Variants in CUL4B observed in about 807,000 individuals in gnomAD.
CUL4B encodes the protein cullin-4B.
Under a neutral mutation model 69.2 loss-of-function variants are expected in CUL4B, and 1 was observed. The observed-to-expected ratio is 0.01, with a 90% CI of 0.01 to 0.07. The LOEUF is 0.07. Ranked by LOEUF, CUL4B falls within the 10% of genes least tolerant of loss-of-function variation. CUL4B has a pLI of 1.00. For missense variants in CUL4B, 328 were observed against 638.8 expected (o/e 0.51, Z 5.24); for synonymous variants, 237 against 223.2 (o/e 1.06, Z -0.55).
rs569743213 is a variant in CUL4B, at chrX:120,526,991, A to T, written c.2593-135T>A. 4.4e-5 allele frequency: 15 copies of T among 338,300 alleles called. No individual in the cohort carries two copies. The South Asian group carries it at 6.1e-4, about 14-fold the overall frequency. 27.9% of individuals were successfully genotyped at this position (338,300 alleles called of 1,213,427 possible). A position where few individuals can be genotyped will look rare whatever the true frequency, so the allele number is the denominator to read the frequency against. ...CTTTTTTAAAATTTTTATTTATTTA[A>T]ATCTCTTTTTTAGAGAAAAGTATCA... is the stretch of plus-strand genomic sequence containing the variant. On this transcript the variant is annotated intron_variant, in intron 19 of 19. Coordinates refer to ENST00000371322, the MANE Select transcript of CUL4B (RefSeq NM_001079872.2).
At chrX:120,538,816 A>G in intron 12 of CUL4B, 46 bp from the exon 13 acceptor site, 1 of 827,756 alleles carries the variant, frequency 1.2e-6, no homozygotes, top group Non-Finnish European at 1.8e-6. Context: ...AATAAAAAGT[A>G]CTGACAAAAC....
chrX:120,554,251 T>C (rs1924845578), intron 2 of CUL4B, among the ~76,000 whole-genome samples: 1 of 112,250 alleles, frequency 8.9e-6, no homozygotes, highest in African/African-American at 3.2e-5. Context: ...TAGCCGTTAG[T>C]CTCACCATCT....
At chrX:120,536,089 G>C (rs998599179) in intron 15 of CUL4B, 146 bp from the exon 16 acceptor site, 3 of 477,285 alleles carry the variant, frequency 6.3e-6, no homozygotes, top group South Asian at 3.0e-5. Flanking sequence ...GAAAAACAAT[G>C]ATCTCCCAAC....
chrX:120,532,710 G>T, intron 17 of CUL4B, 116 bp from the exon 18 acceptor site: 1 of 679,320 alleles, frequency 1.5e-6, no homozygotes, highest in Non-Finnish European at 2.3e-6. Flanking sequence ...TTTTCCCAAA[G>T]GTCACCAACA....
At chrX:120,561,415 A>T (rs758480204), upstream of CUL4B, 8 of 533,568 alleles carry the variant, frequency 1.5e-5, no homozygotes, top group African/African-American at 1.9e-4. Context: ...CCAGATCCCG[A>T]AGCCCCCAGG....
Position 120,560,498 on chromosome X carries a change from G to A in CUL4B, c.141C>T (p.Ser47=), listed in dbSNP as rs2147350268. 1 of 1,210,649 alleles carries A rather than the reference G, an allele frequency of 8.3e-7. No homozygotes were observed. Among genetic ancestry groups the A allele is most frequent in the Non-Finnish European group, 1.1e-6 (1 of 894,792 alleles). The change falls in exon 1 of 20, where the codon AGC becomes AGT. Residue 47 remains serine (S), a synonymous_variant. Coordinates refer to ENST00000371322, the MANE Select transcript of CUL4B (RefSeq NM_001079872.2). ...CTCTCTCGTTACTACTGTTACTGCT[G>A]CTACTGCTGCTGCTGTTTAACTTTC... is the stretch of plus-strand genomic sequence containing the variant. The part of the protein sequence containing the change: ...KKRKLNSSSS[S]SSNSSNERED...
chrX:120,556,737 C>T (rs1924989507), intron 2 of CUL4B, among the ~76,000 whole-genome samples: 1 of 109,799 alleles, frequency 9.1e-6, no homozygotes, highest in African/African-American at 3.3e-5. Flanking sequence ...ATGAGGGTAA[C>T]AGCAGTCAAA....
upstream of CUL4B, among the ~76,000 whole-genome samples, chrX:120,562,325 T>C (rs1925359342): frequency 8.9e-6 from 1 of 112,500 alleles, no homozygotes; most frequent in Non-Finnish European, 1.9e-5. Context: ...TTGGTTAAAT[T>C]AGCAACAATA....
At chrX:120,573,564 C>G (rs186854136) in intron 2 of CUL4B, among the ~76,000 whole-genome samples, 2 of 111,975 alleles carry the variant, frequency 1.8e-5, no homozygotes, top group East Asian at 5.6e-4. Context: ...AACATATGAT[C>G]CCCACCTTCT....
chrX:120,551,108 C>G (rs1924658526), intron 2 of CUL4B, among the ~76,000 whole-genome samples: 1 of 111,789 alleles, frequency 8.9e-6, no homozygotes, highest in Non-Finnish European at 1.9e-5. Context: ...TACTTGCCTT[C>G]CCCAATAAAA....
rs752944156 is a variant in CUL4B at position 120,555,941 on chromosome X, C to CAA, written c.672+1981_672+1982dup. Among the ~76,000 whole-genome samples, 248 of 41,931 alleles carry CAA rather than the reference C, an allele frequency of 5.9e-3. 2 individuals carry two copies. The highest frequency in any genetic ancestry group is 0.017 in the African/African-American group (217 of 12,473). The allele number at this position is 41,931 out of a possible 115,157, so 36.4% of individuals were successfully genotyped here. A position where few individuals can be genotyped will look rare whatever the true frequency, so the allele number is the denominator to read the frequency against. ...TGAGTGACATAGCAAGACTCCATCT[C>CAA]AAAAAAAAAAAAAAAAAAAAGTGGG... is the stretch of plus-strand genomic sequence containing the variant. On this transcript the variant is annotated intron_variant, in intron 2 of 19. Coordinates refer to ENST00000371322, the MANE Select transcript of CUL4B (RefSeq NM_001079872.2).
In CUL4B at chrX:120,524,348, T is replaced by A. The variant is rs1922856449; in HGVS notation, c.*2413A>T. On this transcript the variant is annotated 3_prime_UTR_variant, in exon 20 of 20. Transcript: ENST00000371322. ...AACAATTTGACACTGAGGATTTGAA[T>A]GAAGCAATGTTTATACTTGTATCCG... 8.9e-6 allele frequency among the ~76,000 whole-genome samples: 1 copy of A among 112,055 alleles called. No individual in the cohort carries two copies. Among genetic ancestry groups the A allele is most frequent in the East Asian group, 2.8e-4 (1 of 3,607 alleles).
intron 18 of CUL4B, among the ~76,000 whole-genome samples, chrX:120,531,383 T>C (rs977342246): frequency 9.1e-6 from 1 of 109,410 alleles, no homozygotes; most frequent in Non-Finnish European, 1.9e-5. Context: ...AAACCATCAG[T>C]TTCAGGATGC....
chrX:120,543,158 T>C (rs1260913025), intron 8 of CUL4B, 125 bp from the exon 9 acceptor site: 3 of 466,051 alleles, frequency 6.4e-6, no homozygotes, highest in Non-Finnish European at 1.1e-5. Context: ...TCCTATCCTA[T>C]GTATAAATTT....
intron 9 of CUL4B, 69 bp from the exon 10 acceptor site, chrX:120,541,789 T>G (rs962633063): frequency 2.3e-5 from 16 of 686,134 alleles, no homozygotes; most frequent in Non-Finnish European, 2.4e-5. Context: ...TCAGACATTT[T>G]AATAAAATTT....
chrX:120,531,194 C>T (rs1457182203), intron 18 of CUL4B, among the ~76,000 whole-genome samples: 4 of 109,223 alleles, frequency 3.7e-5, no homozygotes, highest in African/African-American at 6.7e-5. Context: ...TGGTCGCTCA[C>T]GCATGTAGTC....
chrX:120,541,847 T>C, intron 9 of CUL4B, 127 bp from the exon 10 acceptor site: 2 of 504,679 alleles, frequency 4.0e-6, no homozygotes, highest in African/African-American at 2.3e-5. Context: ...GACTAGTCTG[T>C]ATGTGAGTTG....
At chrX:120,530,031 T>C (rs1382719922) in intron 19 of CUL4B, 71 bp downstream of exon 19, 2 of 1,071,509 alleles carry the variant, frequency 1.9e-6, no homozygotes, top group East Asian at 3.0e-5. Context: ...TTTGCAAGAT[T>C]TGTGTCTGAA....
At position 120,545,476 on chromosome X, in the gene CUL4B, G is replaced by A. The variant is rs1463089138; in HGVS notation, c.888C>T (p.Tyr296=). 1.2e-5 allele frequency: 14 copies of A among 1,177,865 alleles called. No homozygotes were observed. The highest frequency in any genetic ancestry group is 5.3e-5 in the African/African-American group (3 of 56,301). Residue 296 remains tyrosine, a synonymous_variant, in exon 5 of 20, where the codon TAC becomes TAT. Transcript: ENST00000371322. ...AGGGTAGCATTGAATTCTGAAGAAC[G>A]TAAGTTCTATCCAGAAACAAAAAAA... The part of the protein sequence containing the change: ...RSIFLFLDRT[Y]VLQNSMLPSI...
Sources: allele counts gnomAD v4.1 joint callset (sites outside exome capture counted in the v4.1 genomes callset), GRCh38; gene constraint gnomAD v4.1.1; transcripts MANE v1.5; gene names NCBI Gene and HGNC (gene_info 2026-07-23, HGNC 2026-07-21).